LINC00305: variants seen among roughly 807,000 people sequenced by gnomAD.
LINC00305 encodes long intergenic non-protein coding RNA 305.
chr18:64,136,899 C>T (rs984476679), intron 1 of LINC00305, among the ~76,000 whole-genome samples: 16 of 21,098 alleles, frequency 7.6e-4, no homozygotes, highest in Non-Finnish European at 6.8e-4. Flanking sequence ...TCAAAGCTTA[C>T]GTAAGACATG....
At chr18:64,123,619 A>AC (rs1555667720) in intron 1 of LINC00305, among the ~76,000 whole-genome samples, 11 of 150,872 alleles carry the variant, frequency 7.3e-5, no homozygotes. Flanking sequence ...TATTTTATTT[A>AC]TTTTTTTTTA....
chr18:64,113,428 G>A lies in LINC00305; in HGVS notation n.315-14788C>T, dbSNP rs1290902435. ...TATAAATTATTTAATTATTTTCCTT[G>A]ATTTGACTATTTCTTTCAAGTTCAA... On this transcript the variant is annotated intron_variant and non_coding_transcript_variant, in intron 1 of 3. Coordinates refer to ENST00000666468, the Ensembl canonical transcript of LINC00305. Among the ~76,000 whole-genome samples, 6 of 152,164 alleles carry A rather than the reference G, an allele frequency of 3.9e-5. No homozygotes were observed. The East Asian group carries it at 9.6e-4, about 24-fold the overall frequency.
At chr18:64,122,421 AGAC>A (rs2051366059) in intron 1 of LINC00305, among the ~76,000 whole-genome samples, 1 of 152,066 alleles carries the variant, frequency 6.6e-6, no homozygotes, top group Non-Finnish European at 1.5e-5. Context: ...CAATTTTCCC[AGAC>A]TATTTATTGA....
At chr18:64,130,553 C>G (rs17072599) in intron 1 of LINC00305, among the ~76,000 whole-genome samples, 1,910 of 152,176 alleles carry the variant, frequency 0.013, 44 homozygotes, top group African/African-American at 0.044. Context: ...ATAAATTTTA[C>G]TTACCTTATG....
intron 1 of LINC00305, among the ~76,000 whole-genome samples, chr18:64,102,336 C>T (rs1457195452): frequency 1.3e-5 from 2 of 152,132 alleles, no homozygotes; most frequent in African/African-American, 4.8e-5. Flanking sequence ...GCATTTTAAT[C>T]TCCTACCTTT....
chr18:64,105,754 C>T (rs1275893010), intron 1 of LINC00305, among the ~76,000 whole-genome samples: 1 of 152,168 alleles, frequency 6.6e-6, no homozygotes, highest in African/African-American at 2.4e-5. Flanking sequence ...AAAGAGGCCA[C>T]ACCTGATCCA....
intron 1 of LINC00305, among the ~76,000 whole-genome samples, chr18:64,143,368 G>A (rs889564096): frequency 6.6e-6 from 1 of 151,212 alleles, no homozygotes; most frequent in Non-Finnish European, 1.5e-5. Flanking sequence ...GTAGTAGATG[G>A]CCTAGTATCT....
chr18:64,145,648 T>G (rs1273738602), intron 1 of LINC00305, among the ~76,000 whole-genome samples: 1 of 152,162 alleles, frequency 6.6e-6, no homozygotes, highest in Non-Finnish European at 1.5e-5. Flanking sequence ...GCTCCTGACC[T>G]CAGGTAATCC....
chr18:64,119,984 C>T (rs769304185), intron 1 of LINC00305, among the ~76,000 whole-genome samples: 2 of 152,030 alleles, frequency 1.3e-5, no homozygotes, highest in Non-Finnish European at 2.9e-5. Context: ...AGAGAACGAA[C>T]AGCCAATGCC....
chr18:64,085,466 CT>C (rs112804959), intron 3 of LINC00305, among the ~76,000 whole-genome samples: 15,690 of 144,766 alleles, frequency 0.11, 895 homozygotes, highest in African/African-American at 0.17. Context: ...GTATTTGTCA[CT>C]TTTTTTTTTT....
chr18:64,109,087 G>A (rs1440541450), intron 1 of LINC00305, among the ~76,000 whole-genome samples: 1 of 152,136 alleles, frequency 6.6e-6, no homozygotes, highest in African/African-American at 2.4e-5. Context: ...ATGGATTTGT[G>A]GAACAGTAAT....
intron 1 of LINC00305, among the ~76,000 whole-genome samples, chr18:64,118,289 T>A (rs1298667693): frequency 2.6e-5 from 4 of 152,130 alleles, no homozygotes; most frequent in Non-Finnish European, 5.9e-5. Flanking sequence ...AAATCCTCAA[T>A]AATAAATGTT....
intron 1 of LINC00305, among the ~76,000 whole-genome samples, chr18:64,106,894 A>G (rs1376786414): frequency 6.6e-6 from 1 of 152,236 alleles, no homozygotes; most frequent in Non-Finnish European, 1.5e-5. Context: ...CACAGAAGAA[A>G]TGAAGGCTCC....
intron 1 of LINC00305, among the ~76,000 whole-genome samples, chr18:64,143,745 G>A (rs1365424090): frequency 1.4e-5 from 1 of 70,020 alleles, no homozygotes; most frequent in Non-Finnish European, 3.0e-5. Context: ...CACATATTAT[G>A]CGTACATGTA....
At chr18:64,137,776 C>T (rs1039235945) in intron 1 of LINC00305, among the ~76,000 whole-genome samples, 2 of 151,940 alleles carry the variant, frequency 1.3e-5, no homozygotes, top group African/African-American at 4.8e-5. Context: ...GAGAGGAACA[C>T]CTATATGAAT....
At chr18:64,101,028 A>G (rs1342584779) in intron 1 of LINC00305, among the ~76,000 whole-genome samples, 1 of 152,226 alleles carries the variant, frequency 6.6e-6, no homozygotes, top group Non-Finnish European at 1.5e-5. Flanking sequence ...GATCCTCAGG[A>G]GCACAAAGCT....
At chr18:64,126,699 G>A (rs1245486442) in intron 1 of LINC00305, among the ~76,000 whole-genome samples, 1 of 152,092 alleles carries the variant, frequency 6.6e-6, no homozygotes, top group Non-Finnish European at 1.5e-5. Flanking sequence ...GAGTGATTGA[G>A]TGGTGATCAA....
chr18:64,140,506 G>A (rs1188661473), intron 1 of LINC00305, among the ~76,000 whole-genome samples: 37 of 152,114 alleles, frequency 2.4e-4, no homozygotes, highest in Admixed American at 2.4e-3. Context: ...ACCGCACCCA[G>A]CCTGATTTTC....
In LINC00305 at chr18:64,103,740, C is replaced by G. The variant is rs2051277516; in HGVS notation, n.315-5100G>C. On this transcript the variant is annotated intron_variant and non_coding_transcript_variant, in intron 1 of 3. Coordinates refer to ENST00000666468, the Ensembl canonical transcript of LINC00305. ...TTAAGACAAATATACTTACCCTACA[C>G]CAAGGGGAGATTCCTAATTTGTTCT... Among the ~76,000 whole-genome samples the G allele has an allele frequency of 3.9e-5, 6 of 152,270 alleles. No individual in the cohort carries two copies. The South Asian group carries it at 1.2e-3, about 32-fold the overall frequency.
Sources: gnomAD v4.1 joint callset for allele counts (sites outside exome capture counted in the v4.1 genomes callset) on GRCh38, gnomAD v4.1.1 for gene constraint, MANE v1.5 for transcripts, NCBI Gene and HGNC (gene_info 2026-07-23, HGNC 2026-07-21) for gene names.